PCDHGA1: variants seen among roughly 807,000 people sequenced by gnomAD.
The protein encoded by PCDHGA1 is protocadherin gamma subfamily A, 1.
In PCDHGA1, 32 loss-of-function variants were observed where a neutral mutation model predicts 58.0. The observed-to-expected ratio is 0.55, with a 90% CI of 0.42 to 0.74. PCDHGA1 has a LOEUF of 0.74. Among genes scored for constraint, PCDHGA1 ranks in the 30% least tolerant of loss-of-function variants. The pLI, the probability that PCDHGA1 is intolerant of heterozygous loss-of-function variation, is 0.00. For synonymous variants in PCDHGA1, 498 were observed against 501.1 expected, an observed-to-expected ratio of 0.99 and a Z score of 0.08; for missense variants, 1,205 against 1,182.3, an observed-to-expected ratio of 1.02 and a Z score of -0.28.
rs774288267 is a variant in PCDHGA1, at chr5:141,392,993, G to A, written c.2421+59888G>A. On this transcript the variant is annotated intron_variant, in intron 1 of 3. Transcript: ENST00000517417. ...TGGGGCTGGACCCCCGGAAGCTGGCGAAGCACGGAGTCCGTATCGTCTCCA... is the reference window on the plus strand; with the variant it reads ...TGGGGCTGGACCCCCGGAAGCTGGCAAAGCACGGAGTCCGTATCGTCTCCA... The A allele has an allele frequency of 5.0e-6, 8 of 1,613,802 alleles. 1 individual carries two copies. In the South Asian group the frequency reaches 6.6e-5, roughly 13 times the overall value.
intron 1 of PCDHGA1, among the ~76,000 whole-genome samples, chr5:141,358,001 G>A (rs1489024342): frequency 6.6e-6 from 1 of 152,098 alleles, no homozygotes; most frequent in East Asian, 1.9e-4. Flanking sequence ...ACCAGTCTGG[G>A]CAACATGGTG....
At chr5:141,499,966 G>A (rs1403177792) in intron 2 of PCDHGA1, among the ~76,000 whole-genome samples, 1 of 151,988 alleles carries the variant, frequency 6.6e-6, no homozygotes, top group African/African-American at 2.4e-5. Flanking sequence ...GGGATTACAG[G>A]TGTGAGCCAC....
intron 1 of PCDHGA1, among the ~76,000 whole-genome samples, chr5:141,468,216 T>C (rs2099160325): frequency 6.6e-6 from 1 of 150,794 alleles, no homozygotes. Flanking sequence ...TTCCAGCTAC[T>C]TGGGAGGATG....
intron 1 of PCDHGA1, chr5:141,421,851 T>G: frequency 6.2e-7 from 1 of 1,613,714 alleles, no homozygotes; most frequent in East Asian, 2.2e-5. Context: ...AAGAGGCTGC[T>G]CACCTGCTCC....
chr5:141,352,213 C>A, intron 1 of PCDHGA1: 2 of 1,614,056 alleles, frequency 1.2e-6, no homozygotes, highest in Non-Finnish European at 1.7e-6. Flanking sequence ...CGCCACTCTC[C>A]GCCACCGCCA....
intron 1 of PCDHGA1, among the ~76,000 whole-genome samples, chr5:141,480,839 G>A (rs1397361640): frequency 6.6e-6 from 1 of 152,196 alleles, no homozygotes; most frequent in Non-Finnish European, 1.5e-5. Context: ...AAGATCAGGA[G>A]TTTGAGACCA....
At chr5:141,360,809 C>T (rs745788999) in intron 1 of PCDHGA1, 7 of 1,613,800 alleles carry the variant, frequency 4.3e-6, no homozygotes, top group African/African-American at 2.7e-5. Flanking sequence ...CAAAGTGGCA[C>T]GACCCAAATC....
In PCDHGA1 at chr5:141,489,844, C is replaced by A; in HGVS notation, c.2422-4963C>A. 2 of 1,614,148 alleles carry A rather than the reference C, an allele frequency of 1.2e-6. No individual in the cohort carries two copies. Among genetic ancestry groups the A allele is most frequent in the Non-Finnish European group, 1.7e-6 (2 of 1,179,982 alleles). On this transcript the variant is annotated intron_variant, in intron 1 of 3. Coordinates refer to ENST00000517417, the MANE Select transcript of PCDHGA1 (RefSeq NM_018912.3). The surrounding 1 kb of genome is among the most constrained non-coding windows in gnomAD (Gnocchi z 4.5). Reference sequence around the variant, plus strand: ...GCTGGTGCTAGAGCAGCAGCTGGATCGTGAAGCCCAGGCAAGACATCAGCT... The same window carrying A: ...GCTGGTGCTAGAGCAGCAGCTGGATAGTGAAGCCCAGGCAAGACATCAGCT...
At chr5:141,438,591 CATATATATATATATATATATAT>C (rs946798767) in intron 1 of PCDHGA1, among the ~76,000 whole-genome samples, 1 of 75,562 alleles carries the variant, frequency 1.3e-5, no homozygotes, top group Middle Eastern at 7.4e-3. Context: ...TACATACATA[CATATATATATATATATATATAT>C]ATATATATAT....
chr5:141,426,772 C>T, intron 1 of PCDHGA1: 1 of 456,686 alleles, frequency 2.2e-6, no homozygotes, highest in South Asian at 1.5e-5. Context: ...GATGTAGGGC[C>T]TCACTCTCTC....
Position 141,330,644 on chromosome 5 carries a change from C to G in PCDHGA1, c.-41C>G, listed in dbSNP as rs1186881986. 3 of 1,552,134 alleles carry G rather than the reference C, an allele frequency of 1.9e-6. No homozygotes were observed. The highest frequency in any genetic ancestry group is 2.6e-6 in the Non-Finnish European group (3 of 1,149,160). ...AGCTCAGAAAAGCAGAAACGATACC[C>G]TTGGTACTGGACTGGAAGAAAACTA... is the stretch of plus-strand genomic sequence containing the variant. On this transcript the variant is annotated 5_prime_UTR_variant, in exon 1 of 4. Coordinates refer to ENST00000517417, the MANE Select transcript of PCDHGA1 (RefSeq NM_018912.3).
Position 141,484,782 on chromosome 5 carries a change from C to A in PCDHGA1, c.2422-10025C>A, listed in dbSNP as rs572593816. 2.0e-5 allele frequency among the ~76,000 whole-genome samples: 3 copies of A among 152,066 alleles called. No homozygotes were observed. In the South Asian group the frequency reaches 6.3e-4, roughly 32 times the overall value. On this transcript the variant is annotated intron_variant, in intron 1 of 3. Transcript: ENST00000517417. Reference sequence around the variant, plus strand: ...TATATATATGTTGTCTGCCTCCCCACAGAGATAACAACCCGTGGAAAAACA... The same window carrying A: ...TATATATATGTTGTCTGCCTCCCCAAAGAGATAACAACCCGTGGAAAAACA...
Position 141,507,461 on chromosome 5 carries a change from G to A in PCDHGA1, c.2569+1980G>A, listed in dbSNP as rs145114393. On this transcript the variant is annotated intron_variant, in intron 3 of 3. Coordinates refer to ENST00000517417, the MANE Select transcript of PCDHGA1 (RefSeq NM_018912.3). ...AGCTGACGGAAGGACAGAGAGAGAG[G>A]TGGCAGGGACTGCTGGCCTCCTGAG... Among the ~76,000 whole-genome samples the A allele has an allele frequency of 3.8e-3, 581 of 152,330 alleles. 5 individuals are homozygous for A. Among genetic ancestry groups the A allele is most frequent in the African/African-American group, 0.012 (485 of 41,570 alleles).
rs188874944 is a variant in PCDHGA1, at chr5:141,446,708, C to T, written c.2422-48099C>T. Among the ~76,000 whole-genome samples, 183 of 152,314 alleles carry T rather than the reference C, an allele frequency of 1.2e-3. 1 individual carries two copies. The highest frequency in any genetic ancestry group is 2.1e-3 in the Admixed American group (32 of 15,302). On this transcript the variant is annotated intron_variant, in intron 1 of 3. Coordinates refer to ENST00000517417, the MANE Select transcript of PCDHGA1 (RefSeq NM_018912.3). ...GGCCAGGCTGGTCTCGAACTCTGAT[C>T]TGCCCGCCTCGGCCTCCCAAAGTGT...
intron 1 of PCDHGA1, among the ~76,000 whole-genome samples, chr5:141,459,968 C>T (rs1260233942): frequency 1.3e-5 from 2 of 152,190 alleles, no homozygotes; most frequent in East Asian, 3.8e-4. Context: ...ATCCCAGCTA[C>T]TCAGGAGGCT....
chr5:141,490,336 G>T lies in PCDHGA1; in HGVS notation c.2422-4471G>T. 2 of 1,614,224 alleles carry T rather than the reference G, an allele frequency of 1.2e-6. No individual in the cohort carries two copies. The highest frequency in any genetic ancestry group is 8.5e-7 in the Non-Finnish European group (1 of 1,180,040). ...CCCTGTCCTAGAGAGCACACCAGTGGGCACAGTAGTGGGGTTGTTTAATGT... is the reference window on the plus strand; with the variant it reads ...CCCTGTCCTAGAGAGCACACCAGTGTGCACAGTAGTGGGGTTGTTTAATGT... On this transcript the variant is annotated intron_variant, in intron 1 of 3. Transcript: ENST00000517417. This position sits in a 1 kb window ranked among gnomAD's most constrained non-coding sequence, Gnocchi z 5.4.
chr5:141,415,740 GTTTTTTTTTTTTTTTTTT>G (rs57426385), intron 1 of PCDHGA1: 9 of 625,028 alleles, frequency 1.4e-5, no homozygotes, highest in African/African-American at 5.0e-5. Flanking sequence ...GTTTATTAAG[GTTTTTTTTTTTTTTTTTT>G]TTTTTTTTTT....
At chr5:141,345,140 C>G in intron 1 of PCDHGA1, 1 of 1,613,916 alleles carries the variant, frequency 6.2e-7, no homozygotes, top group Non-Finnish European at 8.5e-7. Flanking sequence ...TTGCTCTTAT[C>G]GACGTGCATG....
intron 1 of PCDHGA1, chr5:141,478,198 ACTT>A (rs2099438516): frequency 1.2e-6 from 2 of 1,613,746 alleles, no homozygotes; most frequent in African/African-American, 1.3e-5. Context: ...CCTTTTATCT[ACTT>A]CTTTCTCTAA....
Sources: gnomAD v4.1 joint callset for allele counts (sites outside exome capture counted in the v4.1 genomes callset) on GRCh38, gnomAD v4.1.1 for gene constraint, Gnocchi (gnomAD v3.1) non-coding constraint, MANE v1.5 for transcripts, NCBI Gene and HGNC (gene_info 2026-07-23, HGNC 2026-07-21) for gene names.